Variants in FBXL17 observed in about 807,000 individuals in gnomAD.
The protein encoded by FBXL17 is F-box and leucine rich repeat protein 17, also known as F-box/LRR-repeat protein 17.
FBXL17 carries 22 observed loss-of-function variants against 66.2 expected under a neutral mutation model. The ratio of observed to expected loss-of-function variants is 0.33; its 90% CI spans 0.24 to 0.47. The LOEUF is 0.47. Among genes scored for constraint, FBXL17 ranks in the 20% least tolerant of loss-of-function variants. FBXL17 has a pLI of 1.00. For missense variants in FBXL17, 878 were observed against 948.2 expected, an observed-to-expected ratio of 0.93 and a Z score of 0.97; for synonymous variants, 474 against 400.5, an observed-to-expected ratio of 1.18 and a Z score of -2.19.
chr5:107,947,733 A>C (rs1751361534), intron 7 of FBXL17, among the ~76,000 whole-genome samples: 1 of 152,220 alleles, frequency 6.6e-6, no homozygotes, highest in Non-Finnish European at 1.5e-5. Context: ...CCCTAGACTG[A>C]GGATCTAGGG....
At chr5:107,923,670 G>C (rs1157402658) in intron 7 of FBXL17, among the ~76,000 whole-genome samples, 1 of 152,136 alleles carries the variant, frequency 6.6e-6, no homozygotes, top group Non-Finnish European at 1.5e-5. Context: ...TTTTAAGCTA[G>C]AAAGGGTCAA....
chr5:107,988,910 A>G (rs1166233165), intron 7 of FBXL17, among the ~76,000 whole-genome samples: 1 of 152,100 alleles, frequency 6.6e-6, no homozygotes, highest in African/African-American at 2.4e-5. Flanking sequence ...TCTTAATTGT[A>G]CCTGATAATG....
At chr5:108,178,062 G>C (rs1214725025) in intron 6 of FBXL17, among the ~76,000 whole-genome samples, 1 of 151,654 alleles carries the variant, frequency 6.6e-6, no homozygotes, top group Non-Finnish European at 1.5e-5. Flanking sequence ...GTCTTCCTCT[G>C]TCACCCAGAC....
chr5:108,178,191 C>G (rs151229159), intron 6 of FBXL17, among the ~76,000 whole-genome samples: 2 of 151,824 alleles, frequency 1.3e-5, no homozygotes, highest in East Asian at 3.9e-4. Flanking sequence ...TCAACAGGCA[C>G]GTGCCATCAT....
At chr5:108,345,906 T>C (rs1259489643) in intron 4 of FBXL17, among the ~76,000 whole-genome samples, 1 of 152,162 alleles carries the variant, frequency 6.6e-6, no homozygotes, top group African/African-American at 2.4e-5. Flanking sequence ...ATAATACTCT[T>C]TTTGAGAATA....
intron 4 of FBXL17, among the ~76,000 whole-genome samples, chr5:108,302,517 ATACT>A (rs1758638575): frequency 6.6e-6 from 1 of 151,828 alleles, no homozygotes; most frequent in African/African-American, 2.4e-5. Context: ...AAATTAAGAG[ATACT>A]TACAAGACAT....
At chr5:108,010,191 T>C (rs1754122598) in intron 7 of FBXL17, among the ~76,000 whole-genome samples, 1 of 152,142 alleles carries the variant, frequency 6.6e-6, no homozygotes, top group South Asian at 2.1e-4. Flanking sequence ...TACCATACAG[T>C]TTTGAACACT....
intron 4 of FBXL17, among the ~76,000 whole-genome samples, chr5:108,333,254 A>G (rs551502431): frequency 1.1e-4 from 16 of 151,494 alleles, no homozygotes; most frequent in Admixed American, 3.3e-4. Flanking sequence ...ATTAATGTGA[A>G]GACAATGCAA....
At chr5:108,148,379 C>T (rs947308722) in intron 6 of FBXL17, among the ~76,000 whole-genome samples, 1 of 152,144 alleles carries the variant, frequency 6.6e-6, no homozygotes, top group African/African-American at 2.4e-5. Context: ...TTTAACCAAT[C>T]AAATATTTCT....
intron 7 of FBXL17, among the ~76,000 whole-genome samples, chr5:107,991,643 G>A (rs1011731738): frequency 6.6e-6 from 1 of 152,200 alleles, no homozygotes; most frequent in South Asian, 2.1e-4. Flanking sequence ...GAGAGAAGGT[G>A]GCCACGACAG....
intron 7 of FBXL17, among the ~76,000 whole-genome samples, chr5:107,939,090 G>C (rs1487214191): frequency 6.6e-6 from 1 of 152,104 alleles, no homozygotes; most frequent in Non-Finnish European, 1.5e-5. Flanking sequence ...GGGATGATTT[G>C]CTGAATGAGT....
intron 7 of FBXL17, among the ~76,000 whole-genome samples, chr5:107,990,797 G>T (rs926267430): frequency 6.6e-6 from 1 of 152,084 alleles, no homozygotes; most frequent in East Asian, 1.9e-4. Flanking sequence ...CCTGTCCCCA[G>T]GGAACCTATC....
chr5:108,308,571 G>A (rs1227082275), intron 4 of FBXL17, among the ~76,000 whole-genome samples: 2 of 152,024 alleles, frequency 1.3e-5, no homozygotes, highest in African/African-American at 4.8e-5. Context: ...TCTAATTTGG[G>A]AAGAAAACCT....
intron 6 of FBXL17, among the ~76,000 whole-genome samples, chr5:108,041,550 A>G (rs367548036): frequency 2.6e-5 from 4 of 151,968 alleles, no homozygotes; most frequent in East Asian, 1.9e-4. Context: ...CCAAGCAGCT[A>G]AGACTACAGG....
chr5:107,917,437 T>C (rs1459843728), intron 7 of FBXL17, among the ~76,000 whole-genome samples: 1 of 152,160 alleles, frequency 6.6e-6, no homozygotes, highest in Non-Finnish European at 1.5e-5. Flanking sequence ...AAGAAACAGA[T>C]GGTCTTTTTA....
At chr5:108,203,147 G>A (rs1222157073) in intron 5 of FBXL17, among the ~76,000 whole-genome samples, 3 of 151,816 alleles carry the variant, frequency 2.0e-5, no homozygotes, top group Non-Finnish European at 4.4e-5. Flanking sequence ...AAGTTATGAG[G>A]AACTTTCGTA....
intron 6 of FBXL17, among the ~76,000 whole-genome samples, chr5:108,145,934 T>A (rs17449654): frequency 0.12 from 17,891 of 151,734 alleles, 1,258 homozygotes; most frequent in East Asian, 0.16. Flanking sequence ...TTAAGACTCA[T>A]CAGGCCGGGT....
intron 4 of FBXL17, chr5:108,299,734 C>T: frequency 1.0e-6 from 1 of 984,740 alleles, no homozygotes; most frequent in Non-Finnish European, 1.2e-6. Context: ...GTAAGTTATC[C>T]ACTCTGCAGG....
chr5:108,021,741 A>G (rs1754611915), intron 6 of FBXL17, among the ~76,000 whole-genome samples: 1 of 151,844 alleles, frequency 6.6e-6, no homozygotes, highest in Non-Finnish European at 1.5e-5. Context: ...GATTAACAAT[A>G]TTATCCATTT....
Sources: allele counts gnomAD v4.1 joint callset (sites outside exome capture counted in the v4.1 genomes callset), GRCh38; gene constraint gnomAD v4.1.1; transcripts MANE v1.5; gene names NCBI Gene and HGNC (gene_info 2026-07-23, HGNC 2026-07-21).